The following ZC3H6 variants were observed in gnomAD, a reference collection of about 807,000 sequenced individuals.
The protein encoded by ZC3H6 is zinc finger CCCH domain-containing protein 6.
ZC3H6 carries 40 observed loss-of-function variants against 107.7 expected under a neutral mutation model. The observed-to-expected ratio is 0.37, with a 90% CI of 0.29 to 0.48. The LOEUF (loss-of-function observed/expected upper bound fraction) is 0.48. ZC3H6 is among the 20% of genes least tolerant of loss of function. ZC3H6 has a pLI of 0.98. For synonymous variants in ZC3H6, 493 were observed against 487.9 expected, an observed-to-expected ratio of 1.01 and a Z score of -0.14; for missense variants, 1,267 against 1,410.4, an observed-to-expected ratio of 0.90 and a Z score of 1.63.
intron 10 of ZC3H6, 120 bp downstream of exon 10, chr2:112,324,783 C>A: frequency 8.3e-7 from 1 of 1,197,968 alleles, no homozygotes; most frequent in Non-Finnish European, 1.1e-6. Context: ...AAGATTGAAA[C>A]CTTAAAATGT....
At position 112,317,215 on chromosome 2, in the gene ZC3H6, G is replaced by A. The variant is rs752377505; in HGVS notation, c.865-6G>A. 7 of 1,027,840 alleles carry A rather than the reference G, an allele frequency of 6.8e-6. No individual in the cohort carries two copies. Among genetic ancestry groups the A allele is most frequent in the Admixed American group, 5.0e-5 (1 of 19,990 alleles). 63.7% of individuals were successfully genotyped at this position (1,027,840 alleles called of 1,614,324 possible). A position where few individuals can be genotyped will look rare whatever the true frequency, so the allele number is the denominator to read the frequency against. ...TCTTTTTTCTTTTTTTTTTTTTTGTGAATAGGGAGATCAGTGTAAATTTGA... is the reference window on the plus strand; with the variant it reads ...TCTTTTTTCTTTTTTTTTTTTTTGTAAATAGGGAGATCAGTGTAAATTTGA... On this transcript the variant is annotated splice_polypyrimidine_tract_variant and splice_region_variant and intron_variant, in intron 6 of 11. Coordinates refer to ENST00000409871, the MANE Select transcript of ZC3H6 (RefSeq NM_198581.3).
intron 7 of ZC3H6, among the ~76,000 whole-genome samples, chr2:112,318,358 AATAAG>A (rs1370422300): frequency 1.3e-5 from 2 of 152,234 alleles, no homozygotes; most frequent in Non-Finnish European, 1.5e-5. Flanking sequence ...TGAGCTAAAT[AATAAG>A]ATAAATAATG....
chr2:112,283,771 G>T (rs771047219), intron 1 of ZC3H6, among the ~76,000 whole-genome samples: 4 of 152,300 alleles, frequency 2.6e-5, no homozygotes, highest in East Asian at 3.9e-4. Context: ...GCTTCATAAG[G>T]ATCGTTACTC....
intron 1 of ZC3H6, among the ~76,000 whole-genome samples, chr2:112,282,674 G>A (rs1313456495): frequency 6.6e-6 from 1 of 152,138 alleles, no homozygotes; most frequent in Non-Finnish European, 1.5e-5. Flanking sequence ...GTTTATTCAA[G>A]TAAAATAAGG....
intron 1 of ZC3H6, among the ~76,000 whole-genome samples, chr2:112,288,766 C>T (rs1686657619): frequency 6.6e-6 from 1 of 152,114 alleles, no homozygotes; most frequent in Non-Finnish European, 1.5e-5. Flanking sequence ...TTCAGGTGAC[C>T]TCACTTTGCC....
At chr2:112,309,373 A>C (rs980207724) in intron 3 of ZC3H6, among the ~76,000 whole-genome samples, 3 of 152,212 alleles carry the variant, frequency 2.0e-5, no homozygotes, top group Non-Finnish European at 4.4e-5. Flanking sequence ...TTTCACTATT[A>C]GGGAAAGCTC....
chr2:112,311,121 G>A (rs143333409), intron 4 of ZC3H6, among the ~76,000 whole-genome samples: 162 of 152,154 alleles, frequency 1.1e-3, no homozygotes, highest in African/African-American at 3.8e-3. Flanking sequence ...GCTCCTACTT[G>A]TTTGTGCTCT....
intron 1 of ZC3H6, among the ~76,000 whole-genome samples, chr2:112,293,403 T>C (rs1216373277): frequency 1.3e-5 from 2 of 152,188 alleles, no homozygotes; most frequent in African/African-American, 4.8e-5. Flanking sequence ...GGTGTAAGAA[T>C]GTATTGGATA....
At chr2:112,293,643 G>A (rs1372438099) in intron 1 of ZC3H6, among the ~76,000 whole-genome samples, 2 of 152,190 alleles carry the variant, frequency 1.3e-5, no homozygotes, top group African/African-American at 4.8e-5. Flanking sequence ...TATTTTCCTT[G>A]AGGAGAAATA....
intron 1 of ZC3H6, among the ~76,000 whole-genome samples, chr2:112,296,801 T>C (rs1676245783): frequency 6.6e-6 from 1 of 152,196 alleles, no homozygotes. Context: ...GATACCTCTG[T>C]AAAAGACAGT....
At position 112,287,481 on chromosome 2, in the gene ZC3H6, A is replaced by G. The variant is rs1175864703; in HGVS notation, c.32+11455A>G. On this transcript the variant is annotated intron_variant, in intron 1 of 11. Transcript: ENST00000409871. ...TGATGTCAAACATACAAGCTTATGG[A>G]TATATTTAAAAATTCTTAATTTTCT... is the stretch of plus-strand genomic sequence containing the variant. 2.0e-5 allele frequency among the ~76,000 whole-genome samples: 3 copies of G among 152,318 alleles called. No individual in the cohort carries two copies. The East Asian group carries it at 5.8e-4, about 29-fold the overall frequency.
chr2:112,283,124 T>G (rs1299978026), intron 1 of ZC3H6, among the ~76,000 whole-genome samples: 2 of 152,218 alleles, frequency 1.3e-5, no homozygotes, highest in Non-Finnish European at 2.9e-5. Context: ...ACAGTTGAGC[T>G]TTCTGAGGAC....
Position 112,322,822 on chromosome 2 carries a change from T to C in ZC3H6, c.1260T>C (p.Ser420=). ...AAGACGATTTTCAGACAGATTTCTC[T>C]GATGATTTTAGGAAAATTCCATCTC... is the stretch of plus-strand genomic sequence containing the variant. ...DPEDDFQTDF[S]DDFRKIPSLF... Residue 420 remains serine (S), a synonymous_variant, in exon 9 of 12, where the codon TCT becomes TCC. Coordinates refer to ENST00000409871, the MANE Select transcript of ZC3H6 (RefSeq NM_198581.3). 1.2e-6 allele frequency: 2 copies of C among 1,613,868 alleles called. No homozygotes were observed. Among genetic ancestry groups the C allele is most frequent in the Non-Finnish European group, 1.7e-6 (2 of 1,179,834 alleles).
At chr2:112,325,344 A>C in intron 11 of ZC3H6, 147 bp downstream of exon 11, 1 of 710,976 alleles carries the variant, frequency 1.4e-6, no homozygotes, top group Non-Finnish European at 2.4e-6. Context: ...AAATGCAAAA[A>C]TTAGGTGGTC....
At chr2:112,311,967 G>T (rs1676603641) in intron 5 of ZC3H6, 30 bp downstream of exon 5, 7 of 1,541,250 alleles carry the variant, frequency 4.5e-6, no homozygotes, top group Non-Finnish European at 6.1e-6. Flanking sequence ...AAGGAGGGGA[G>T]GAGCTTTTTC....
At position 112,339,091 on chromosome 2, in the gene ZC3H6, A is replaced by C. The variant is rs1677196467; in HGVS notation, c.*6603A>C. 1 of 151,576 alleles carries C rather than the reference A, an allele frequency of 6.6e-6. No individual in the cohort carries two copies. Among genetic ancestry groups the C allele is most frequent in the South Asian group, 2.1e-4 (1 of 4,802 alleles). 9.4% of individuals were successfully genotyped at this position (151,576 alleles called of 1,614,324 possible). A position where few individuals can be genotyped will look rare whatever the true frequency, so the allele number is the denominator to read the frequency against. On this transcript the variant is annotated 3_prime_UTR_variant, in exon 12 of 12. Transcript: ENST00000409871. Reference sequence around the variant, plus strand: ...TATTTTTTAGTAGAGATGGGGTTTCACCATGTTGGCCAGGCTGATTTCGAA... The same window carrying C: ...TATTTTTTAGTAGAGATGGGGTTTCCCCATGTTGGCCAGGCTGATTTCGAA...
intron 1 of ZC3H6, among the ~76,000 whole-genome samples, chr2:112,291,898 A>G (rs1489383895): frequency 1.3e-5 from 2 of 151,940 alleles, no homozygotes; most frequent in Non-Finnish European, 2.9e-5. Flanking sequence ...TTGTATTTTT[A>G]GTAGAGATAG....
Position 112,299,654 on chromosome 2 carries a change from G to A in ZC3H6, c.33-195G>A, listed in dbSNP as rs534378131. Reference sequence around the variant, plus strand: ...TCTTAAAGGAATGTTAAATGAAGACGAATTCGCAACAGAAACCATATATGG... The same window carrying A: ...TCTTAAAGGAATGTTAAATGAAGACAAATTCGCAACAGAAACCATATATGG... On this transcript the variant is annotated intron_variant, in intron 1 of 11. Coordinates refer to ENST00000409871, the MANE Select transcript of ZC3H6 (RefSeq NM_198581.3). 5.3e-5 allele frequency among the ~76,000 whole-genome samples: 8 copies of A among 152,254 alleles called. No individual in the cohort carries two copies. The East Asian group carries it at 5.8e-4, about 11-fold the overall frequency.
chr2:112,324,740 C>A, intron 10 of ZC3H6, 77 bp downstream of exon 10: 1 of 1,374,102 alleles, frequency 7.3e-7, no homozygotes, highest in Non-Finnish European at 9.7e-7. Context: ...ATGACAGAAA[C>A]GTAAGTTTTA....
Sources: allele counts gnomAD v4.1 joint callset (sites outside exome capture counted in the v4.1 genomes callset), GRCh38; gene constraint gnomAD v4.1.1; transcripts MANE v1.5; gene names NCBI Gene and HGNC (gene_info 2026-07-23, HGNC 2026-07-21).